Variants in FBXW8 observed in about 807,000 individuals in gnomAD.
FBXW8 encodes F-box/WD repeat-containing protein 8.
Under a neutral mutation model 65.3 loss-of-function variants are expected in FBXW8, and 57 were observed. The ratio of observed to expected loss-of-function variants is 0.87; its 90% CI spans 0.71 to 1.09. The LOEUF (loss-of-function observed/expected upper bound fraction) is 1.09. FBXW8 is among the 50% of genes least tolerant of loss of function. The probability of loss-of-function intolerance (pLI) is 0.00; values close to 1 mark genes in which losing one functional copy is unlikely to be tolerated. For synonymous variants in FBXW8, 308 were observed against 330.2 expected (o/e 0.93, Z 0.73); for missense variants, 777 against 814.8 (o/e 0.95, Z 0.57).
chr12:116,982,225 A>G (rs771652159), intron 5 of FBXW8, among the ~76,000 whole-genome samples: 6 of 152,242 alleles, frequency 3.9e-5, no homozygotes, highest in African/African-American at 1.2e-4. Flanking sequence ...AAACACCCCA[A>G]TTAAAAGCAA....
At chr12:116,991,394 G>A (rs930913283) in intron 7 of FBXW8, among the ~76,000 whole-genome samples, 1 of 152,244 alleles carries the variant, frequency 6.6e-6, no homozygotes, top group African/African-American at 2.4e-5. Flanking sequence ...ACAGCTCTGT[G>A]TGAATTAAGT....
chr12:117,000,128 C>G (rs1592943109), intron 7 of FBXW8, among the ~76,000 whole-genome samples: 1 of 152,174 alleles, frequency 6.6e-6, no homozygotes, highest in Non-Finnish European at 1.5e-5. Context: ...ACTACAGGCG[C>G]CCGCCACCAC....
intron 7 of FBXW8, among the ~76,000 whole-genome samples, chr12:117,005,996 G>A (rs952802291): frequency 2.6e-5 from 4 of 152,022 alleles, no homozygotes; most frequent in South Asian, 2.1e-4. Context: ...TTTAAATGGC[G>A]GCCAACAAAT....
chr12:116,915,884 C>A (rs1215712055), intron 1 of FBXW8, among the ~76,000 whole-genome samples: 12 of 151,978 alleles, frequency 7.9e-5, no homozygotes, highest in Admixed American at 7.9e-4. Context: ...AACTCCTGGC[C>A]TTGTGATCTG....
intron 3 of FBXW8, among the ~76,000 whole-genome samples, chr12:116,947,118 G>A (rs997025778): frequency 3.3e-5 from 5 of 152,122 alleles, no homozygotes; most frequent in Non-Finnish European, 7.4e-5. Flanking sequence ...CAGAAGTGAC[G>A]ATATTTTAAA....
rs2291914 is a variant in FBXW8, at chr12:117,028,307, C to G, written c.*135C>G. 2 of 1,090,986 alleles carry G rather than the reference C, an allele frequency of 1.8e-6. No homozygotes were observed. Among genetic ancestry groups the G allele is most frequent in the East Asian group, 5.2e-5 (2 of 38,634 alleles). 67.6% of individuals were successfully genotyped at this position (1,090,986 alleles called of 1,614,324 possible). A position where few individuals can be genotyped will look rare whatever the true frequency, so the allele number is the denominator to read the frequency against. On this transcript the variant is annotated 3_prime_UTR_variant, in exon 11 of 11. Coordinates refer to ENST00000652555, the MANE Select transcript of FBXW8 (RefSeq NM_153348.3). The surrounding 1 kb of genome is among the most constrained non-coding windows in gnomAD (Gnocchi z 4.1). ...GCCCAGGGTGCCATGCCTGACAGCA[C>G]GCATCTCCCTGACCCCTGCACTTCC...
At chr12:116,986,181 T>C (rs902264163) in intron 6 of FBXW8, 1 of 152,174 alleles carries the variant, frequency 6.6e-6, no homozygotes, top group African/African-American at 2.4e-5. Flanking sequence ...ATCCTGTTCC[T>C]CCCTCTTTCT....
At chr12:116,983,383 T>C (rs1885452418) in intron 5 of FBXW8, among the ~76,000 whole-genome samples, 1 of 152,228 alleles carries the variant, frequency 6.6e-6, no homozygotes, top group Admixed American at 6.5e-5. Context: ...CCCCCAAGTT[T>C]ATCATAATTC....
chr12:116,989,409 A>G (rs114524038), intron 7 of FBXW8, among the ~76,000 whole-genome samples: 123 of 152,306 alleles, frequency 8.1e-4, no homozygotes, highest in African/African-American at 2.9e-3. Flanking sequence ...GTCCTTTTAT[A>G]TATAGTGTAT....
chr12:117,001,277 C>T (rs1172884386), intron 7 of FBXW8, among the ~76,000 whole-genome samples: 3 of 152,066 alleles, frequency 2.0e-5, no homozygotes, highest in African/African-American at 4.8e-5. Context: ...CACCAAAGGC[C>T]CTGATTATTC....
chr12:116,988,305 A>T (rs1953148768), intron 6 of FBXW8, among the ~76,000 whole-genome samples: 2 of 152,220 alleles, frequency 1.3e-5, no homozygotes, highest in South Asian at 2.1e-4. Flanking sequence ...GGACAAGATT[A>T]TATCCCCACC....
chr12:116,959,046 GT>G (rs1883824409), intron 4 of FBXW8, among the ~76,000 whole-genome samples: 1 of 152,188 alleles, frequency 6.6e-6, no homozygotes, highest in Non-Finnish European at 1.5e-5. Context: ...GGGAGTGGCT[GT>G]TTGTGTATGA....
chr12:116,911,300 C>G lies in FBXW8; in HGVS notation c.263C>G (p.Ala88Gly), dbSNP rs944220735. Residue 88 changes from alanine to glycine, a missense_variant, in exon 1 of 11, where the codon GCC becomes GGC. By Grantham distance (60) the Ala-to-Gly change is moderately conservative. Coordinates refer to ENST00000652555, the MANE Select transcript of FBXW8 (RefSeq NM_153348.3). ...DVASRSRSPL[A>G]REGAGGGEQL... is the part of the protein sequence containing the mutation. ...GCGAGCCGCTCACGTTCTCCTCTGG[C>G]CCGCGAGGGCGCCGGGGGCGGGGAG... is the stretch of plus-strand genomic sequence containing the variant. 1.3e-5 allele frequency: 16 copies of G among 1,279,422 alleles called. No homozygotes were observed. The highest frequency in any genetic ancestry group is 1.2e-4 in the Admixed American group (3 of 24,086). The allele number at this position is 1,279,422 out of a possible 1,614,324, so 79.3% of individuals were successfully genotyped here.
At chr12:116,989,416 G>A (rs192219725) in intron 7 of FBXW8, among the ~76,000 whole-genome samples, 2 of 152,196 alleles carry the variant, frequency 1.3e-5, no homozygotes, top group African/African-American at 2.4e-5. Context: ...TATATATAGT[G>A]TATCTCTAGG....
chr12:116,955,491 C>G (rs928243307), intron 4 of FBXW8, among the ~76,000 whole-genome samples: 96 of 152,206 alleles, frequency 6.3e-4, no homozygotes, highest in African/African-American at 2.1e-3. Flanking sequence ...TCTGCTGGAC[C>G]TCCTGAAATG....
intron 1 of FBXW8, among the ~76,000 whole-genome samples, chr12:116,914,572 CA>C (rs142680270): frequency 3.2e-4 from 27 of 83,782 alleles, no homozygotes; most frequent in African/African-American, 1.1e-3. Context: ...AACCCTGTCT[CA>C]AAAAAAAAAA....
intron 1 of FBXW8, among the ~76,000 whole-genome samples, chr12:116,916,191 A>C (rs1259630077): frequency 6.6e-6 from 1 of 152,158 alleles, no homozygotes. Flanking sequence ...TCTTCTGAAA[A>C]ATGTGTCCAC....
intron 6 of FBXW8, among the ~76,000 whole-genome samples, chr12:116,988,264 A>G (rs1385416513): frequency 1.3e-5 from 2 of 152,194 alleles, no homozygotes; most frequent in Admixed American, 6.5e-5. Flanking sequence ...GTATTTTGAT[A>G]AGAGTAGCCA....
rs61748074 is a variant in FBXW8, at chr12:116,949,688, A to T, written c.659A>T (p.Asp220Val). ...DTVLCDVHSH[D>V]GVVIAGYTSG... ...GTTTTGTGTGATGTGCATTCTCACG[A>T]TGGTGTGGTCATTGCGGGGTAAGCC... The change falls in exon 4 of 11, where the codon GAT (aspartate) becomes GTT (valine). Residue 220 changes from aspartate to valine, a missense_variant. Physicochemically the swap from Asp to Val is radical, Grantham distance 152. Transcript: ENST00000652555. The T allele has an allele frequency of 5.0e-6, 8 of 1,614,018 alleles. No individual in the cohort carries two copies. Among genetic ancestry groups the T allele is most frequent in the African/African-American group, 2.7e-5 (2 of 74,908 alleles).
Sources: gnomAD v4.1 joint callset for allele counts (sites outside exome capture counted in the v4.1 genomes callset) on GRCh38, gnomAD v4.1.1 for gene constraint, Gnocchi (gnomAD v3.1) non-coding constraint, MANE v1.5 for transcripts, NCBI Gene and HGNC (gene_info 2026-07-23, HGNC 2026-07-21) for gene names.